Variants in MAGI2 observed in about 807,000 individuals in gnomAD.
MAGI2 encodes the protein membrane associated guanylate kinase, WW and PDZ domain containing 2, also known as membrane-associated guanylate kinase, WW and PDZ domain-containing protein 2.
Under a neutral mutation model 133.3 loss-of-function variants are expected in MAGI2, and 35 were observed. The ratio of observed to expected loss-of-function variants is 0.26; its 90% CI spans 0.20 to 0.35. The LOEUF (loss-of-function observed/expected upper bound fraction) is 0.35. Among genes scored for constraint, MAGI2 ranks in the 10% least tolerant of loss-of-function variants. MAGI2 has a pLI of 1.00. For synonymous variants in MAGI2, 729 were observed against 710.6 expected (o/e 1.03, Z -0.41); for missense variants, 1,636 against 1,863.4 (o/e 0.88, Z 2.25).
chr7:79,355,348 AAAAC>A (rs139427453), intron 1 of MAGI2, among the ~76,000 whole-genome samples: 22,899 of 152,114 alleles, frequency 0.15, 1,888 homozygotes, highest in East Asian at 0.29. Context: ...AACAAACAAA[AAAAC>A]AAACAAAAAC....
At chr7:78,365,944 T>C (rs181015819) in intron 7 of MAGI2, among the ~76,000 whole-genome samples, 1 of 152,342 alleles carries the variant, frequency 6.6e-6, no homozygotes, top group Admixed American at 6.5e-5. Flanking sequence ...AACCTGTAAC[T>C]TCTGTTCCCA....
chr7:78,691,977 T>C (rs1261041283), intron 2 of MAGI2, among the ~76,000 whole-genome samples: 1 of 152,132 alleles, frequency 6.6e-6, no homozygotes, highest in African/African-American at 2.4e-5. Context: ...ATGTTAATAA[T>C]GGGAAAAGTT....
chr7:78,376,245 A>G (rs1380486124), intron 6 of MAGI2, among the ~76,000 whole-genome samples: 1 of 152,152 alleles, frequency 6.6e-6, no homozygotes, highest in Non-Finnish European at 1.5e-5. Context: ...AGAACAAATT[A>G]AAAAACCTAA....
At position 78,135,148 on chromosome 7, in the gene MAGI2, T is replaced by C; in HGVS notation, c.2904A>G (p.Lys968=). 4 of 1,614,130 alleles carry C rather than the reference T, an allele frequency of 2.5e-6. No homozygotes were observed. Among genetic ancestry groups the C allele is most frequent in the Non-Finnish European group, 3.4e-6 (4 of 1,180,038 alleles). Residue 968 remains lysine, a synonymous_variant, in exon 17 of 22, where the codon AAA becomes AAG. Coordinates refer to ENST00000354212, the MANE Select transcript of MAGI2 (RefSeq NM_012301.4). ...CTAGGATCCGGTCTCCCACTTTTAG[T>C]TTTGCACAGCGATCTGCAGGACTCC... The part of the protein sequence containing the change: ...IDGSPADRCA[K]LKVGDRILAV...
At chr7:78,075,655 C>T (rs1260553148) in intron 21 of MAGI2, among the ~76,000 whole-genome samples, 6 of 152,158 alleles carry the variant, frequency 3.9e-5, no homozygotes, top group African/African-American at 1.2e-4. Flanking sequence ...GGATTACAGG[C>T]GTGAGCCACC....
intron 2 of MAGI2, among the ~76,000 whole-genome samples, chr7:78,881,642 T>C (rs755406504): frequency 3.3e-5 from 5 of 152,020 alleles, no homozygotes; most frequent in Admixed American, 2.0e-4. Flanking sequence ...TGGAAATCAA[T>C]AAGATCTCTC....
At chr7:79,229,560 T>G (rs1219180153) in intron 1 of MAGI2, among the ~76,000 whole-genome samples, 1 of 152,142 alleles carries the variant, frequency 6.6e-6, no homozygotes. Context: ...AGGAAAAGTA[T>G]AGCTTGAGAG....
chr7:78,068,529 G>A (rs949335680), intron 21 of MAGI2, among the ~76,000 whole-genome samples: 1 of 152,006 alleles, frequency 6.6e-6, no homozygotes, highest in Non-Finnish European at 1.5e-5. Flanking sequence ...TGCATGAATG[G>A]GGGCAGGGAG....
intron 5 of MAGI2, among the ~76,000 whole-genome samples, chr7:78,497,954 A>G (rs1794276409): frequency 6.6e-6 from 1 of 152,126 alleles, no homozygotes; most frequent in African/African-American, 2.4e-5. Flanking sequence ...GTTTTTACTG[A>G]TGTCAGCACT....
chr7:78,701,226 G>A (rs995999738), intron 2 of MAGI2, among the ~76,000 whole-genome samples: 5 of 151,780 alleles, frequency 3.3e-5, no homozygotes, highest in African/African-American at 1.2e-4. Context: ...GCCTTCATTA[G>A]TATGTTCACT....
intron 4 of MAGI2, among the ~76,000 whole-genome samples, chr7:78,511,551 ATTTTTTT>A (rs760565213): frequency 3.1e-5 from 4 of 127,900 alleles, no homozygotes; most frequent in East Asian, 2.1e-4. Context: ...ATATATATAA[ATTTTTTT>A]TTTTTTTTTT....
chr7:79,342,531 A>G (rs1035939004), intron 1 of MAGI2, among the ~76,000 whole-genome samples: 4 of 152,200 alleles, frequency 2.6e-5, no homozygotes, highest in African/African-American at 7.2e-5. Flanking sequence ...TGCAATTAAA[A>G]GGATATAGCC....
rs75013306 is a variant in MAGI2, at chr7:79,157,143, C to T, written c.302-149937G>A. Among the ~76,000 whole-genome samples the T allele has an allele frequency of 2.9e-3, 448 of 152,150 alleles. 2 individuals are homozygous for T. The highest frequency in any genetic ancestry group is 8.8e-3 in the African/African-American group (364 of 41,516). The stretch of plus-strand genomic sequence containing the variant: ...ATTAATCTCAATTGGCTTGTCTGTG[C>T]GCATTTGCATGAGAAACTGAACTGT... On this transcript the variant is annotated intron_variant, in intron 1 of 21. Coordinates refer to ENST00000354212, the MANE Select transcript of MAGI2 (RefSeq NM_012301.4).
At chr7:79,443,285 C>CGTGTGTGTGT (rs10600873) in intron 1 of MAGI2, among the ~76,000 whole-genome samples, 72 of 139,428 alleles carry the variant, frequency 5.2e-4, no homozygotes, top group African/African-American at 1.1e-3. Context: ...TGTGTGTGTG[C>CGTGTGTGTGT]GTGTGTGTGT....
intron 2 of MAGI2, among the ~76,000 whole-genome samples, chr7:78,960,801 C>T (rs1802768851): frequency 1.3e-5 from 2 of 152,050 alleles, no homozygotes; most frequent in African/African-American, 2.4e-5. Context: ...ATGGTCTTTC[C>T]ACTTCACTCT....
At chr7:78,042,974 G>A (rs1410046185) in intron 21 of MAGI2, among the ~76,000 whole-genome samples, 1 of 152,194 alleles carries the variant, frequency 6.6e-6, no homozygotes, top group Non-Finnish European at 1.5e-5. Flanking sequence ...AATCAGATCA[G>A]CAGGGCACAA....
intron 14 of MAGI2, among the ~76,000 whole-genome samples, chr7:78,177,451 C>T (rs1191616476): frequency 6.6e-6 from 1 of 152,076 alleles, no homozygotes; most frequent in East Asian, 1.9e-4. Context: ...CACACAGACA[C>T]ACACACACAT....
At chr7:78,344,365 G>A (rs1231795505) in intron 8 of MAGI2, among the ~76,000 whole-genome samples, 1 of 152,194 alleles carries the variant, frequency 6.6e-6, no homozygotes, top group Non-Finnish European at 1.5e-5. Flanking sequence ...CAGGTAGGAG[G>A]TATGTGTCAG....
intron 9 of MAGI2, among the ~76,000 whole-genome samples, chr7:78,267,420 G>A (rs919188544): frequency 2.0e-5 from 3 of 152,202 alleles, no homozygotes; most frequent in African/African-American, 7.2e-5. Flanking sequence ...CTTGGCAGAT[G>A]TGAATCTTCA....
Sources: allele counts gnomAD v4.1 joint callset (sites outside exome capture counted in the v4.1 genomes callset), GRCh38; gene constraint gnomAD v4.1.1; transcripts MANE v1.5; gene names NCBI Gene and HGNC (gene_info 2026-07-23, HGNC 2026-07-21).